The following NKD1 variants were observed in gnomAD, a reference collection of about 807,000 sequenced individuals.
NKD1 encodes the protein NKD inhibitor of Wnt signaling pathway 1.
A neutral mutation model predicts 56.0 loss-of-function variants in NKD1; 21 were observed. The observed-to-expected ratio is 0.38, with a 90% CI of 0.27 to 0.54. The LOEUF (loss-of-function observed/expected upper bound fraction) is 0.54. NKD1 is among the 20% of genes least tolerant of loss of function. NKD1 has a pLI of 0.82. For missense variants in NKD1, 578 were observed against 642.7 expected, an observed-to-expected ratio of 0.90 and a Z score of 1.09; for synonymous variants, 263 against 265.7, an observed-to-expected ratio of 0.99 and a Z score of 0.10.
chr16:50,552,706 G>A (rs1190354148), intron 3 of NKD1, among the ~76,000 whole-genome samples: 2 of 152,170 alleles, frequency 1.3e-5, no homozygotes, highest in African/African-American at 4.8e-5. Context: ...CATCCCTGGC[G>A]GGTTATGATG....
chr16:50,580,501 C>T, intron 3 of NKD1, among the ~76,000 whole-genome samples: 1 of 152,202 alleles, frequency 6.6e-6, no homozygotes, highest in Non-Finnish European at 1.5e-5. Context: ...GTACTCAAAC[C>T]CTTGTCAAAG....
chr16:50,630,048 A>C, intron 6 of NKD1, 138 bp from the exon 7 acceptor site: 2 of 684,210 alleles, frequency 2.9e-6, no homozygotes, highest in Non-Finnish European at 4.9e-6. Flanking sequence ...AACCTCAGAC[A>C]TCCAGGTTTC....
rs1878024844 is a variant in NKD1, at chr16:50,630,176, T to C, written c.463-10T>C. 6.2e-7 allele frequency: 1 copy of C among 1,613,494 alleles called. No individual in the cohort carries two copies. Among genetic ancestry groups the C allele is most frequent in the Non-Finnish European group, 8.5e-7 (1 of 1,179,642 alleles). ...AACCCTGCATGGGTCTCCGCTTCCC[T>C]CCCATTCAGGACATCACCAGCTTGC... On this transcript the variant is annotated splice_polypyrimidine_tract_variant and intron_variant, in intron 6 of 9. Transcript: ENST00000268459.
At chr16:50,622,608 A>G (rs988810065) in intron 5 of NKD1, among the ~76,000 whole-genome samples, 1 of 152,330 alleles carries the variant, frequency 6.6e-6, no homozygotes, top group South Asian at 2.1e-4. Context: ...CAAGTTCCCT[A>G]AAGTCTCAGT....
intron 3 of NKD1, among the ~76,000 whole-genome samples, chr16:50,592,337 G>T (rs1186324496): frequency 4.6e-5 from 7 of 152,228 alleles, no homozygotes; most frequent in Non-Finnish European, 1.0e-4. Context: ...CTGGGGGTGG[G>T]TCCTAGCCCT....
chr16:50,572,113 A>G (rs545760982), intron 3 of NKD1, among the ~76,000 whole-genome samples: 2 of 152,306 alleles, frequency 1.3e-5, no homozygotes, highest in East Asian at 3.9e-4. Context: ...GCCTTGGAGC[A>G]GCTTTCACTG....
chr16:50,549,677 T>C (rs1436902466), intron 3 of NKD1, 122 bp downstream of exon 3: 5 of 1,015,546 alleles, frequency 4.9e-6, no homozygotes, highest in Admixed American at 3.5e-5. Context: ...GAAAATCTCT[T>C]CTCAGCTGCC....
At chr16:50,602,928 A>G (rs979017812) in intron 3 of NKD1, among the ~76,000 whole-genome samples, 1 of 152,214 alleles carries the variant, frequency 6.6e-6, no homozygotes, top group African/African-American at 2.4e-5. Flanking sequence ...TGCCCTAAAC[A>G]TCACTGGATT....
intron 3 of NKD1, among the ~76,000 whole-genome samples, chr16:50,580,391 T>C (rs917652737): frequency 7.2e-5 from 11 of 152,202 alleles, no homozygotes; most frequent in African/African-American, 2.7e-4. Flanking sequence ...GTCTGCGTCT[T>C]TGGGAGGCCC....
At chr16:50,579,276 C>A (rs559180496) in intron 3 of NKD1, among the ~76,000 whole-genome samples, 2 of 144,486 alleles carry the variant, frequency 1.4e-5, no homozygotes, top group East Asian at 4.3e-4. Flanking sequence ...CACTCTAACC[C>A]GCCACGCATG....
chr16:50,617,013 T>G (rs1961976441), intron 4 of NKD1, among the ~76,000 whole-genome samples: 1 of 152,114 alleles, frequency 6.6e-6, no homozygotes, highest in South Asian at 2.1e-4. Flanking sequence ...GGAGGACAGG[T>G]CTGTTTTATT....
chr16:50,627,367 G>A (rs1265298717), intron 6 of NKD1, among the ~76,000 whole-genome samples: 1 of 152,164 alleles, frequency 6.6e-6, no homozygotes, highest in Non-Finnish European at 1.5e-5. Context: ...GTTTCAACCT[G>A]CGTTGTCCTT....
chr16:50,621,778 A>T (rs1962096701), intron 5 of NKD1, 70 bp downstream of exon 5: 1 of 1,128,556 alleles, frequency 8.9e-7, no homozygotes, highest in Non-Finnish European at 1.3e-6. Flanking sequence ...CTTTGGGAGG[A>T]GGGAAGCTGA....
intron 3 of NKD1, chr16:50,571,433 G>T (rs1960881311): frequency 1.0e-6 from 1 of 971,580 alleles, no homozygotes; most frequent in South Asian, 4.8e-5. Flanking sequence ...AGTTTCAAGT[G>T]CTCCGAAGAC....
In NKD1 at chr16:50,623,665, CAGTTA is replaced by C. The variant is rs1962142573; in HGVS notation, c.367-1819_367-1815del. Among the ~76,000 whole-genome samples, 5 of 151,556 alleles carry C rather than the reference CAGTTA, an allele frequency of 3.3e-5. No individual in the cohort carries two copies. Among genetic ancestry groups the C allele is most frequent in the Non-Finnish European group, 5.9e-5 (4 of 67,942 alleles). On this transcript the variant is annotated intron_variant, in intron 5 of 9. Coordinates refer to ENST00000268459, the MANE Select transcript of NKD1 (RefSeq NM_033119.5). The surrounding 1 kb of genome is among the most constrained non-coding windows in gnomAD (Gnocchi z 4.1). ...GCATGTGACAGGTGGGACAAGTGGC[CAGTTA>C]CTCAACTCATGTTTCTGAAGCTCAG...
intron 3 of NKD1, among the ~76,000 whole-genome samples, chr16:50,604,763 C>T (rs985498307): frequency 6.6e-6 from 1 of 152,224 alleles, no homozygotes; most frequent in Non-Finnish European, 1.5e-5. Flanking sequence ...GAATATGTCT[C>T]CTGGCAACAC....
At chr16:50,578,360 C>T (rs1205912219) in intron 3 of NKD1, among the ~76,000 whole-genome samples, 2 of 152,198 alleles carry the variant, frequency 1.3e-5, no homozygotes, top group Non-Finnish European at 2.9e-5. Flanking sequence ...CTGCTGACAA[C>T]TCTACACTGT....
At chr16:50,599,955 C>T (rs1961558066) in intron 3 of NKD1, among the ~76,000 whole-genome samples, 1 of 152,092 alleles carries the variant, frequency 6.6e-6, no homozygotes, top group Non-Finnish European at 1.5e-5. Context: ...AGAAATCACA[C>T]TGAAGCCATG....
intron 4 of NKD1, among the ~76,000 whole-genome samples, chr16:50,614,879 T>A (rs1226736357): frequency 6.6e-6 from 1 of 152,230 alleles, no homozygotes; most frequent in African/African-American, 2.4e-5. Flanking sequence ...AGACCCATCC[T>A]GACTTGGAAA....
Sources: gnomAD v4.1 joint callset for allele counts (sites outside exome capture counted in the v4.1 genomes callset) on GRCh38, gnomAD v4.1.1 for gene constraint, Gnocchi (gnomAD v3.1) non-coding constraint, MANE v1.5 for transcripts, NCBI Gene and HGNC (gene_info 2026-07-23, HGNC 2026-07-21) for gene names.